ANKRD34C: variants seen among roughly 807,000 people sequenced by gnomAD.
The protein encoded by ANKRD34C is ankyrin repeat domain-containing protein 34C.
For missense variants in ANKRD34C, 563 were observed against 653.0 expected (o/e 0.86, Z 1.50); for synonymous variants, 260 against 253.6 (o/e 1.03, Z -0.24).
At chr15:79,287,434 T>A (rs1886508467) in intron 1 of ANKRD34C, among the ~76,000 whole-genome samples, 1 of 152,244 alleles carries the variant, frequency 6.6e-6, no homozygotes, top group Non-Finnish European at 1.5e-5. Context: ...AAAATATACA[T>A]CCACCTTCTT....
rs181426795 is a variant in ANKRD34C, at chr15:79,291,235, A to G, written c.-44-2006A>G. Among the ~76,000 whole-genome samples the G allele has an allele frequency of 2.2e-4, 33 of 152,338 alleles. No individual in the cohort carries two copies. The East Asian group carries it at 4.1e-3, about 19-fold the overall frequency. On this transcript the variant is annotated intron_variant, in intron 1 of 1. Coordinates refer to ENST00000421388, the MANE Select transcript of ANKRD34C (RefSeq NM_001146341.2). ...AGTTAGAAACATGAACAGTGCCAAG[A>G]GGAAAAACACATGAAGAATCGTGCA...
At position 79,293,940 on chromosome 15, in the gene ANKRD34C, G is replaced by T; in HGVS notation, c.656G>T (p.Ser219Ile). ...FFSLQAGHPS[S>I]CNTSKAVNEP... ...AGCCTCCAAGCAGGGCATCCAAGCA[G>T]TTGTAACACCTCCAAGGCTGTTAAT... The change falls in exon 2 of 2, where the codon AGT (serine) becomes ATT (isoleucine). Residue 219 changes from serine (S) to isoleucine (I), a missense_variant. Physicochemically the swap from Ser to Ile is moderately radical, Grantham distance 142. Coordinates refer to ENST00000421388, the MANE Select transcript of ANKRD34C (RefSeq NM_001146341.2). 6.4e-7 allele frequency: 1 copy of T among 1,551,722 alleles called. No individual in the cohort carries two copies. Among genetic ancestry groups the T allele is most frequent in the Non-Finnish European group, 8.7e-7 (1 of 1,146,990 alleles).
chr15:79,296,368 C>T lies in ANKRD34C; in HGVS notation c.*1476C>T, dbSNP rs59734296. The T allele has an allele frequency of 0.22, 37,351 of 166,978 alleles. 4,473 individuals are homozygous for T. The highest frequency in any genetic ancestry group is 0.46 in the East Asian group (2,356 of 5,168). 10.3% of individuals were successfully genotyped at this position (166,978 alleles called of 1,614,324 possible). On this transcript the variant is annotated 3_prime_UTR_variant, in exon 2 of 2. Transcript: ENST00000421388. ...AATGTATGAAAGTGCTGCCATTGTG[C>T]CTGGCACAGGTAGAAGTCACTGGAT...
At chr15:79,292,050 G>A (rs2058661286) in intron 1 of ANKRD34C, among the ~76,000 whole-genome samples, 1 of 152,164 alleles carries the variant, frequency 6.6e-6, no homozygotes, top group African/African-American at 2.4e-5. Context: ...ACTAAATAGA[G>A]TAATATAAAT....
intron 1 of ANKRD34C, 77 bp from the exon 2 acceptor site, chr15:79,293,162 ACC>A: frequency 9.1e-7 from 1 of 1,104,056 alleles, no homozygotes. Flanking sequence ...ATATGACTGT[ACC>A]CAGACCCCGT....
In ANKRD34C at chr15:79,293,755, G is replaced by A. The variant is rs1203338836; in HGVS notation, c.471G>A (p.Ser157=). ...TGATTATTATAACAACAGATAAATC[G>A]TCTTCAGGCACCAAAACCACCAAAC... ...KEVIIITTDK[S]SSGTKTTKQY... Residue 157 remains serine, a synonymous_variant, in exon 2 of 2, where the codon TCG becomes TCA. Coordinates refer to ENST00000421388, the MANE Select transcript of ANKRD34C (RefSeq NM_001146341.2). The A allele has an allele frequency of 1.0e-5, 16 of 1,551,568 alleles. No homozygotes were observed. The highest frequency in any genetic ancestry group is 2.4e-5 in the South Asian group (2 of 84,060).
intron 1 of ANKRD34C, among the ~76,000 whole-genome samples, chr15:79,290,510 C>T (rs180679342): frequency 1.8e-4 from 28 of 152,200 alleles, no homozygotes; most frequent in African/African-American, 6.3e-4. Context: ...CTGGCTGGGG[C>T]TGGCTGGGGC....
rs2058666477 is a variant in ANKRD34C at position 79,294,099 on chromosome 15, C to A, written c.815C>A (p.Thr272Asn). 3.2e-6 allele frequency: 5 copies of A among 1,551,438 alleles called. No homozygotes were observed. The highest frequency in any genetic ancestry group is 1.4e-5 in the African/African-American group (1 of 73,046). The change falls in exon 2 of 2, where the codon ACC becomes AAC. Residue 272 changes from threonine (T) to asparagine (N), a missense_variant. Coordinates refer to ENST00000421388, the MANE Select transcript of ANKRD34C (RefSeq NM_001146341.2). ...VLAASTRQDETHGASTDNEVI... is the reference protein window; with the variant it reads ...VLAASTRQDENHGASTDNEVI... The stretch of plus-strand genomic sequence containing the variant: ...GCAGCCTCGACGCGTCAGGATGAGA[C>A]CCATGGTGCCAGCACAGACAACGAG...
At position 79,294,579 on chromosome 15, in the gene ANKRD34C, G is replaced by C. The variant is rs781495802; in HGVS notation, c.1295G>C (p.Ser432Thr). The change falls in exon 2 of 2, where the codon AGC (serine) becomes ACC (threonine). Residue 432 changes from serine (S) to threonine (T), a missense_variant. By Grantham distance (58) the Ser-to-Thr change is moderately conservative (BLOSUM62 1). Coordinates refer to ENST00000421388, the MANE Select transcript of ANKRD34C (RefSeq NM_001146341.2). Reference protein sequence around the residue: ...SLDTVPSTSPSSARRRPPHLL... With the variant: ...SLDTVPSTSPTSARRRPPHLL... ...GACACTGTACCTAGCACATCCCCCA[G>C]CTCAGCACGCCGCAGGCCGCCACAT... 12 of 1,551,550 alleles carry C rather than the reference G, an allele frequency of 7.7e-6. No individual in the cohort carries two copies. The highest frequency in any genetic ancestry group is 1.0e-5 in the Non-Finnish European group (12 of 1,147,002).
At position 79,298,166 on chromosome 15, in the gene ANKRD34C, TG is replaced by T. The variant is rs2058676818; in HGVS notation, c.*3275del. 6.0e-6 allele frequency: 1 copy of T among 167,026 alleles called. No individual in the cohort carries two copies. Among genetic ancestry groups the T allele is most frequent in the South Asian group, 2.1e-4 (1 of 4,826 alleles). The allele number at this position is 167,026 out of a possible 1,614,324, so 10.3% of individuals were successfully genotyped here. A position where few individuals can be genotyped will look rare whatever the true frequency, so the allele number is the denominator to read the frequency against. ...CTCAAGCTGATGATGTGCTCAAAGA[TG>T]TATCAAAATCCATGTAATGACACCT... On this transcript the variant is annotated 3_prime_UTR_variant, in exon 2 of 2. Coordinates refer to ENST00000421388, the MANE Select transcript of ANKRD34C (RefSeq NM_001146341.2).
rs149765420 is a variant in ANKRD34C, at chr15:79,285,279, G to A, written c.-45+2051G>A. 5.3e-5 allele frequency among the ~76,000 whole-genome samples: 8 copies of A among 152,258 alleles called. No homozygotes were observed. In the South Asian group the frequency reaches 1.5e-3, roughly 28 times the overall value. On this transcript the variant is annotated intron_variant, in intron 1 of 1. Coordinates refer to ENST00000421388, the MANE Select transcript of ANKRD34C (RefSeq NM_001146341.2). The stretch of plus-strand genomic sequence containing the variant: ...ACTTTGAAAATGTTTGCAAAAGTCC[G>A]TAGACTCTTCTCTTTTGTATAATTC...
intron 1 of ANKRD34C, among the ~76,000 whole-genome samples, chr15:79,286,700 C>T (rs1484607927): frequency 1.3e-5 from 2 of 152,102 alleles, no homozygotes; most frequent in South Asian, 2.1e-4. Context: ...TCAGGGGCTC[C>T]GAGATGACCC....
At chr15:79,290,370 T>C (rs2058656121) in intron 1 of ANKRD34C, among the ~76,000 whole-genome samples, 1 of 152,142 alleles carries the variant, frequency 6.6e-6, no homozygotes, top group Admixed American at 6.5e-5. Flanking sequence ...CTTTAATGAA[T>C]AGTGCTGCCG....
rs1485449152 is a variant in ANKRD34C at position 79,291,600 on chromosome 15, A to ACC, written c.-44-1640_-44-1639insCC. ...CACACACACACACACACACACACACACAGAGAGAGAGAGAGAGAGAGAGAG... is the reference window on the plus strand; with the variant it reads ...CACACACACACACACACACACACACACCCAGAGAGAGAGAGAGAGAGAGAGAG... On this transcript the variant is annotated intron_variant, in intron 1 of 1. Transcript: ENST00000421388. 4.3e-4 allele frequency among the ~76,000 whole-genome samples: 36 copies of ACC among 84,324 alleles called. 1 individual carries two copies. In the South Asian group the frequency reaches 0.015, roughly 34 times the overall value. The allele number at this position is 84,324 out of a possible 152,430, so 55.3% of individuals were successfully genotyped here. A position where few individuals can be genotyped will look rare whatever the true frequency, so the allele number is the denominator to read the frequency against.
intron 1 of ANKRD34C, among the ~76,000 whole-genome samples, chr15:79,287,677 T>C (rs1432153118): frequency 6.6e-6 from 1 of 152,242 alleles, no homozygotes; most frequent in African/African-American, 2.4e-5. Flanking sequence ...AAAAACATGC[T>C]GACTTATTGG....
chr15:79,290,566 G>A (rs1488673147), intron 1 of ANKRD34C, among the ~76,000 whole-genome samples: 2 of 152,036 alleles, frequency 1.3e-5, no homozygotes, highest in African/African-American at 4.8e-5. Context: ...AGTTAGTTGG[G>A]GCTACCAGCT....
rs770969133 is a variant in ANKRD34C at position 79,293,974 on chromosome 15, G to A, written c.690G>A (p.Gly230=). 3.2e-6 allele frequency: 5 copies of A among 1,551,654 alleles called. No individual in the cohort carries two copies. Among genetic ancestry groups the A allele is most frequent in the South Asian group, 1.2e-5 (1 of 84,046 alleles). Residue 230 remains glycine (G), a synonymous_variant, in exon 2 of 2, where the codon GGG becomes GGA. Coordinates refer to ENST00000421388, the MANE Select transcript of ANKRD34C (RefSeq NM_001146341.2). ...CCTCCAAGGCTGTTAATGAGCCTGG[G>A]TCACCCACCAGGAAAGTCAGTAATC... ...CNTSKAVNEP[G]SPTRKVSNLK...
rs2058673998 is a variant in ANKRD34C, at chr15:79,297,027, G to A, written c.*2135G>A. 1 of 167,018 alleles carries A rather than the reference G, an allele frequency of 6.0e-6. No individual in the cohort carries two copies. Among genetic ancestry groups the A allele is most frequent in the Non-Finnish European group, 1.5e-5 (1 of 68,114 alleles). The allele number at this position is 167,018 out of a possible 1,614,324, so 10.3% of individuals were successfully genotyped here. Reference sequence around the variant, plus strand: ...AACACACTCCAACATGTGTGCTAATGGTCTCATACTTTGTAGGAAGGGAAG... The same window carrying A: ...AACACACTCCAACATGTGTGCTAATAGTCTCATACTTTGTAGGAAGGGAAG... On this transcript the variant is annotated 3_prime_UTR_variant, in exon 2 of 2. Coordinates refer to ENST00000421388, the MANE Select transcript of ANKRD34C (RefSeq NM_001146341.2).
At chr15:79,289,998 A>G (rs908132650) in intron 1 of ANKRD34C, among the ~76,000 whole-genome samples, 6 of 152,004 alleles carry the variant, frequency 3.9e-5, no homozygotes, top group African/African-American at 1.4e-4. Context: ...AAGATACTGC[A>G]TTTTCTTTAT....
Sources: gnomAD v4.1 joint callset for allele counts (sites outside exome capture counted in the v4.1 genomes callset) on GRCh38, gnomAD v4.1.1 for gene constraint, MANE v1.5 for transcripts, NCBI Gene and HGNC (gene_info 2026-07-23, HGNC 2026-07-21) for gene names.